MAP3K21: variants seen among roughly 807,000 people sequenced by gnomAD.
The protein encoded by MAP3K21 is mitogen-activated protein kinase kinase kinase MLK4.
In MAP3K21, 63 loss-of-function variants were observed where a neutral mutation model predicts 86.1. The ratio of observed to expected loss-of-function variants is 0.73; its 90% CI spans 0.60 to 0.90. MAP3K21 has a LOEUF of 0.90. Ranked by LOEUF, MAP3K21 falls within the 40% of genes least tolerant of loss-of-function variation. The pLI is 0.00. For missense variants in MAP3K21, 1,220 were observed against 1,367.7 expected (o/e 0.89, Z 1.70); for synonymous variants, 558 against 564.8 (o/e 0.99, Z 0.17).
chr1:233,377,888 C>T (rs1663828841), intron 8 of MAP3K21, among the ~76,000 whole-genome samples: 1 of 152,186 alleles, frequency 6.6e-6, no homozygotes, highest in South Asian at 2.1e-4. Context: ...TCATAAGGAG[C>T]AACCTAGATC....
intron 5 of MAP3K21, among the ~76,000 whole-genome samples, chr1:233,366,487 A>G (rs2102761207): frequency 6.6e-6 from 1 of 152,314 alleles, no homozygotes; most frequent in Non-Finnish European, 1.5e-5. Context: ...TTATGGGTCA[A>G]CAAAAAGACG....
At chr1:233,371,696 C>G (rs1466224416) in intron 5 of MAP3K21, among the ~76,000 whole-genome samples, 1 of 151,738 alleles carries the variant, frequency 6.6e-6, no homozygotes, top group African/African-American at 2.4e-5. Flanking sequence ...GCAGATAACT[C>G]TTTTTTCCCA....
intron 1 of MAP3K21, among the ~76,000 whole-genome samples, chr1:233,332,651 G>A (rs1353555923): frequency 2.6e-5 from 4 of 152,196 alleles, no homozygotes; most frequent in Non-Finnish European, 4.4e-5. Flanking sequence ...GTATTTTGCA[G>A]GGAGGTTACC....
At chr1:233,351,646 G>A (rs2102765793) in intron 2 of MAP3K21, among the ~76,000 whole-genome samples, 1 of 150,272 alleles carries the variant, frequency 6.7e-6, no homozygotes, top group African/African-American at 2.5e-5. Flanking sequence ...GCAGTGAGCT[G>A]AGATCGCGCC....
chr1:233,384,761 T>C lies in MAP3K21; in HGVS notation c.*2050T>C, dbSNP rs1463489008. 1 of 152,184 alleles carries C rather than the reference T, an allele frequency of 6.6e-6. No homozygotes were observed. Among genetic ancestry groups the C allele is most frequent in the Non-Finnish European group, 1.5e-5 (1 of 68,014 alleles). The allele number at this position is 152,184 out of a possible 1,614,324, so 9.4% of individuals were successfully genotyped here. A position where few individuals can be genotyped will look rare whatever the true frequency, so the allele number is the denominator to read the frequency against. On this transcript the variant is annotated 3_prime_UTR_variant, in exon 10 of 10. Coordinates refer to ENST00000366624, the MANE Select transcript of MAP3K21 (RefSeq NM_032435.3). ...TGTATGTGATCTGGGTGTTTGTTTA[T>C]CTCTGTTATTATTCCCCTTTAGCTT...
intron 1 of MAP3K21, among the ~76,000 whole-genome samples, chr1:233,338,785 A>C (rs953505785): frequency 1.3e-5 from 2 of 152,192 alleles, no homozygotes; most frequent in African/African-American, 2.4e-5. Flanking sequence ...ACTACGACGC[A>C]AGAGACTTTT....
intron 6 of MAP3K21, chr1:233,373,280 G>A (rs1419917814): frequency 1.3e-5 from 2 of 152,254 alleles, no homozygotes; most frequent in African/African-American, 4.8e-5. Flanking sequence ...ACGAAGGGAT[G>A]AGCAGATGGG....
At chr1:233,353,753 A>G (rs7539016) in intron 2 of MAP3K21, 54 bp from the exon 3 acceptor site, 586,183 of 1,440,124 alleles carry the variant, frequency 0.41, 121,885 homozygotes, top group Admixed American at 0.59. Context: ...TAAGTGTGTC[A>G]TAAGGAAAAG....
chr1:233,363,427 G>A (rs1163800057), intron 5 of MAP3K21, among the ~76,000 whole-genome samples: 6 of 152,212 alleles, frequency 3.9e-5, no homozygotes, highest in Admixed American at 2.0e-4. Flanking sequence ...TCTGGGTGCA[G>A]TGGCTCATGC....
At chr1:233,343,591 A>G (rs1040590826) in intron 1 of MAP3K21, among the ~76,000 whole-genome samples, 1 of 152,242 alleles carries the variant, frequency 6.6e-6, no homozygotes, top group African/African-American at 2.4e-5. Context: ...AAGGATAAAT[A>G]AAGATTTTGT....
At chr1:233,337,356 G>C (rs1662937141) in intron 1 of MAP3K21, among the ~76,000 whole-genome samples, 2 of 152,160 alleles carry the variant, frequency 1.3e-5, no homozygotes, top group Non-Finnish European at 2.9e-5. Flanking sequence ...TTAGTAAACT[G>C]TAAGACAAAA....
chr1:233,346,940 A>G (rs1210431166), intron 2 of MAP3K21, among the ~76,000 whole-genome samples: 2 of 152,180 alleles, frequency 1.3e-5, no homozygotes, highest in Non-Finnish European at 1.5e-5. Flanking sequence ...CCGTGATGCA[A>G]TCATGGCTCA....
chr1:233,373,173 G>T (rs1042219810), intron 6 of MAP3K21: 1 of 152,114 alleles, frequency 6.6e-6, no homozygotes, highest in Non-Finnish European at 1.5e-5. Flanking sequence ...TTCTGAGAAT[G>T]CATTTTGCAT....
intron 1 of MAP3K21, among the ~76,000 whole-genome samples, chr1:233,334,164 C>CTTTT (rs60541029): frequency 2.9e-5 from 4 of 136,864 alleles, no homozygotes; most frequent in South Asian, 2.3e-4. Flanking sequence ...CGTGCCTGGA[C>CTTTT]TTTTTTTTTT....
At chr1:233,358,690 G>A (rs77854138) in intron 4 of MAP3K21, among the ~76,000 whole-genome samples, 3,018 of 152,120 alleles carry the variant, frequency 0.02, 40 homozygotes, top group Non-Finnish European at 0.033. Context: ...CACTTTGTTG[G>A]GGGCCGAGGT....
chr1:233,342,323 G>A (rs1317273993), intron 1 of MAP3K21, among the ~76,000 whole-genome samples: 1 of 152,182 alleles, frequency 6.6e-6, no homozygotes, highest in Non-Finnish European at 1.5e-5. Context: ...GCTCTGAGCT[G>A]GAGATTATAT....
chr1:233,382,078 G>A (rs1373130957), intron 9 of MAP3K21, among the ~76,000 whole-genome samples: 1 of 152,190 alleles, frequency 6.6e-6, no homozygotes, highest in African/African-American at 2.4e-5. Context: ...GCACATGCCT[G>A]TGGTCCCAGC....
At chr1:233,370,466 G>A (rs1047481113) in intron 5 of MAP3K21, among the ~76,000 whole-genome samples, 2 of 152,164 alleles carry the variant, frequency 1.3e-5, no homozygotes, top group Non-Finnish European at 2.9e-5. Context: ...TGGTGGATAT[G>A]TAGGGTAACA....
At position 233,382,561 on chromosome 1, in the gene MAP3K21, T is replaced by A; in HGVS notation, c.2961T>A (p.Ala987=). The change falls in exon 10 of 10, where the codon GCT becomes GCA. Residue 987 remains alanine (A), a synonymous_variant. Transcript: ENST00000366624. ...GACCACATCCCACCCAATTCCTCGC[T>A]GCCAAGGAGAGAACTAAATCCCATG... ...RPGPHPTQFL[A]AKERTKSHVP... is the part of the protein sequence containing the mutation. 6.2e-7 allele frequency: 1 copy of A among 1,614,208 alleles called. No homozygotes were observed. Among genetic ancestry groups the A allele is most frequent in the South Asian group, 1.1e-5 (1 of 91,088 alleles).
Sources: gnomAD v4.1 joint callset for allele counts (sites outside exome capture counted in the v4.1 genomes callset) on GRCh38, gnomAD v4.1.1 for gene constraint, MANE v1.5 for transcripts, NCBI Gene and HGNC (gene_info 2026-07-23, HGNC 2026-07-21) for gene names.